Variants in LSM14A observed in about 807,000 individuals in gnomAD.
LSM14A encodes LSM14A mRNA processing body assembly factor, also known as protein LSM14 homolog A.
In LSM14A, 14 loss-of-function variants were observed where a neutral mutation model predicts 52.4. The ratio of observed to expected loss-of-function variants is 0.27; its 90% CI spans 0.18 to 0.42. The LOEUF (loss-of-function observed/expected upper bound fraction) is 0.42. Among genes scored for constraint, LSM14A ranks in the 10% least tolerant of loss-of-function variants. The pLI is 1.00. For missense variants in LSM14A, 417 were observed against 581.8 expected, an observed-to-expected ratio of 0.72 and a Z score of 2.91; for synonymous variants, 185 against 200.3, an observed-to-expected ratio of 0.92 and a Z score of 0.64.
chr19:34,188,178 CAA>C (rs1197702388), intron 1 of LSM14A, among the ~76,000 whole-genome samples: 2 of 151,844 alleles, frequency 1.3e-5, no homozygotes, highest in Non-Finnish European at 2.9e-5. Flanking sequence ...TCTAGCTACT[CAA>C]GAGACTGAGG....
intron 1 of LSM14A, among the ~76,000 whole-genome samples, chr19:34,185,186 T>C (rs1313019388): frequency 1.3e-5 from 2 of 152,194 alleles, no homozygotes; most frequent in Non-Finnish European, 2.9e-5. Context: ...TTTGAGAATA[T>C]ATTGCAGAAG....
At chr19:34,211,604 T>C (rs2072157840) in intron 4 of LSM14A, among the ~76,000 whole-genome samples, 1 of 152,076 alleles carries the variant, frequency 6.6e-6, no homozygotes, top group South Asian at 2.1e-4. Context: ...CTGAGCAACG[T>C]AGTGAAACTT....
chr19:34,217,631 T>TTG (rs2072747211), intron 6 of LSM14A, among the ~76,000 whole-genome samples: 1 of 120,106 alleles, frequency 8.3e-6, no homozygotes, highest in Non-Finnish European at 1.7e-5. Context: ...TTTTTTTTTT[T>TTG]TTTTTTTTTT....
At chr19:34,186,926 A>C (rs1405461767) in intron 1 of LSM14A, among the ~76,000 whole-genome samples, 1 of 152,128 alleles carries the variant, frequency 6.6e-6, no homozygotes, top group Non-Finnish European at 1.5e-5. Flanking sequence ...AGTCTAATTT[A>C]CAATTTTTAG....
In LSM14A at chr19:34,176,652, CAA is replaced by C. The variant is rs2069108145; in HGVS notation, c.121+3890_121+3891del. Among the ~76,000 whole-genome samples, 3 of 152,050 alleles carry C rather than the reference CAA, an allele frequency of 2.0e-5. No individual in the cohort carries two copies. The South Asian group carries it at 6.2e-4, about 32-fold the overall frequency. ...ATAATATTCCATCATGAATATAACA[CAA>C]GTTTATTCCTTCTGCCATTGTTTTG... On this transcript the variant is annotated intron_variant, in intron 1 of 9. Transcript: ENST00000544216.
intron 3 of LSM14A, 101 bp downstream of exon 3, chr19:34,196,864 T>C (rs2070878878): frequency 1.0e-6 from 1 of 1,004,132 alleles, no homozygotes; most frequent in Non-Finnish European, 1.4e-6. Context: ...TGTTGTTTGA[T>C]GTTCCTTTTG....
intron 1 of LSM14A, among the ~76,000 whole-genome samples, chr19:34,176,702 C>T (rs575541159): frequency 2.0e-5 from 3 of 152,192 alleles, no homozygotes; most frequent in South Asian, 4.1e-4. Context: ...AGATTGTTTG[C>T]AGTTTGGGGC....
At chr19:34,195,588 G>A (rs2070774064) in intron 2 of LSM14A, among the ~76,000 whole-genome samples, 1 of 152,168 alleles carries the variant, frequency 6.6e-6, no homozygotes. Context: ...AAATTTTGTT[G>A]CAGCATAAGC....
intron 4 of LSM14A, among the ~76,000 whole-genome samples, chr19:34,211,792 C>T (rs561250565): frequency 6.6e-6 from 1 of 150,934 alleles, no homozygotes; most frequent in African/African-American, 2.4e-5. Flanking sequence ...CCTGTCCCCC[C>T]CCAAAAAAAA....
At position 34,221,489 on chromosome 19, in the gene LSM14A, T is replaced by C; in HGVS notation, c.1137-18T>C. 1 of 1,607,438 alleles carries C rather than the reference T, an allele frequency of 6.2e-7. No individual in the cohort carries two copies. Among genetic ancestry groups the C allele is most frequent in the Non-Finnish European group, 8.5e-7 (1 of 1,176,392 alleles). ...CTTTTAAACCTGATATGCTGAAGAT[T>C]ATTTGCTTTTATAATAGAGAACGGA... On this transcript the variant is annotated intron_variant, in intron 8 of 9. Coordinates refer to ENST00000544216, the MANE Select transcript of LSM14A (RefSeq NM_015578.4).
At chr19:34,192,418 T>C (rs1369035811) in intron 1 of LSM14A, among the ~76,000 whole-genome samples, 4 of 145,942 alleles carry the variant, frequency 2.7e-5, no homozygotes, top group Non-Finnish European at 6.0e-5. Context: ...TTCTGCCTCT[T>C]GAGTTCAGCC....
rs2068781188 is a variant in LSM14A, at chr19:34,172,622, G to C, written c.-21G>C. 2 of 1,551,206 alleles carry C rather than the reference G, an allele frequency of 1.3e-6. No homozygotes were observed. ...GGGATCTGCCTCTCTGCGAGCAGCT[G>C]GGAGCGGCGGCGGCGGCGCCATGAG... is the stretch of plus-strand genomic sequence containing the variant. On this transcript the variant is annotated 5_prime_UTR_variant, in exon 1 of 10. Transcript: ENST00000544216.
At chr19:34,194,052 G>A (rs2070662931) in intron 1 of LSM14A, among the ~76,000 whole-genome samples, 2 of 152,070 alleles carry the variant, frequency 1.3e-5, no homozygotes, top group African/African-American at 2.4e-5. Flanking sequence ...ACATGCCTGT[G>A]GTCCCAGCTA....
rs1175435715 is a variant in LSM14A, at chr19:34,223,963, G to A, written c.1368+2225G>A. On this transcript the variant is annotated intron_variant, in intron 9 of 9. Coordinates refer to ENST00000544216, the MANE Select transcript of LSM14A (RefSeq NM_015578.4). ...CCTGGTTAAAACATAAACCTCTTCT[G>A]CAGTATCTCTTATAGGGGCTGGGAG... Among the ~76,000 whole-genome samples the A allele has an allele frequency of 2.6e-5, 4 of 152,308 alleles. No individual in the cohort carries two copies. The South Asian group carries it at 6.2e-4, about 24-fold the overall frequency.
At chr19:34,197,805 C>T (rs2070976178) in intron 3 of LSM14A, among the ~76,000 whole-genome samples, 1 of 152,114 alleles carries the variant, frequency 6.6e-6, no homozygotes, top group South Asian at 2.1e-4. Flanking sequence ...ATACGCATAG[C>T]ATGATTGAGG....
intron 4 of LSM14A, among the ~76,000 whole-genome samples, chr19:34,213,793 AT>A (rs2072348569): frequency 6.6e-6 from 1 of 151,888 alleles, no homozygotes. Context: ...TTATATTTGT[AT>A]TTTTTGAGAC....
rs956256493 is a variant in LSM14A, at chr19:34,176,125, C to T, written c.121+3362C>T. ...TTGGCCTCCCAAAGTGCTGGGATTA[C>T]AGGTGTGAGGCACTGCACCCGGCCT... On this transcript the variant is annotated intron_variant, in intron 1 of 9. Transcript: ENST00000544216. 1.3e-4 allele frequency among the ~76,000 whole-genome samples: 20 copies of T among 152,340 alleles called. No homozygotes were observed. In the East Asian group the frequency reaches 3.3e-3, roughly 25 times the overall value.
intron 1 of LSM14A, among the ~76,000 whole-genome samples, chr19:34,181,086 GT>G (rs1168519895): frequency 6.6e-6 from 1 of 152,236 alleles, no homozygotes; most frequent in South Asian, 2.1e-4. Context: ...AGACTTCTAT[GT>G]TTTTTTCTGA....
At chr19:34,209,312 A>G (rs1445086474) in intron 4 of LSM14A, among the ~76,000 whole-genome samples, 1 of 152,224 alleles carries the variant, frequency 6.6e-6, no homozygotes, top group Non-Finnish European at 1.5e-5. Context: ...AAGCAATTAT[A>G]TAACTTGTAT....
Sources: allele counts gnomAD v4.1 joint callset (sites outside exome capture counted in the v4.1 genomes callset), GRCh38; gene constraint gnomAD v4.1.1; transcripts MANE v1.5; gene names NCBI Gene and HGNC (gene_info 2026-07-23, HGNC 2026-07-21).